Variants in KIFC3 observed in about 807,000 individuals in gnomAD.
The protein encoded by KIFC3 is kinesin-like protein KIFC3.
KIFC3 carries 60 observed loss-of-function variants against 101.8 expected under a neutral mutation model. That is an observed-to-expected ratio of 0.59 (90% confidence interval 0.48 to 0.73). The LOEUF (loss-of-function observed/expected upper bound fraction) is 0.73, where lower values mean the gene tolerates loss of function less well. Among genes scored for constraint, KIFC3 ranks in the 30% least tolerant of loss-of-function variants. The pLI is 0.00. For synonymous variants in KIFC3, 476 were observed against 482.7 expected (o/e 0.99, Z 0.18); for missense variants, 966 against 1,137.1 (o/e 0.85, Z 2.16).
Position 57,760,299 on chromosome 16 carries a change from T to G in KIFC3, c.2350A>C (p.Ser784Arg). 6.2e-7 allele frequency: 1 copy of G among 1,613,476 alleles called. No homozygotes were observed. Among genetic ancestry groups the G allele is most frequent in the South Asian group, 1.1e-5 (1 of 91,080 alleles). Residue 784 changes from serine to arginine, a missense_variant, in exon 17 of 20, where the codon AGC becomes CGC. Around this residue, in one of 2 missense-constraint regions of KIFC3, gnomAD observed 689 missense variants for 884.6 expected, o/e 0.78. Coordinates refer to ENST00000445690, the MANE Select transcript of KIFC3 (RefSeq NM_001130100.2). The stretch of plus-strand genomic sequence containing the variant: ...CCCCGTACCTCTAGATGCTCCTGGC[T>G]TGACCAGGACCCAAGCTCTGCCCTG... ...LRRAELGSWSSQEHLEWEPAC... is the reference protein window; with the variant it reads ...LRRAELGSWSRQEHLEWEPAC...
chr16:57,785,265 G>A (rs2053197000), intron 3 of KIFC3: 1 of 179,440 alleles, frequency 5.6e-6, no homozygotes, highest in Non-Finnish European at 1.2e-5. Context: ...TGAAAGAAAT[G>A]CTGCATCTCA....
intron 4 of KIFC3, among the ~76,000 whole-genome samples, 179 bp from the exon 5 acceptor site, chr16:57,771,865 G>A (rs1335312839): frequency 6.6e-6 from 1 of 152,220 alleles, no homozygotes; most frequent in Non-Finnish European, 1.5e-5. Context: ...ACAAGCTCAA[G>A]AGAGAAACCA....
Position 57,761,034 on chromosome 16 carries a change from A to T in KIFC3, c.2002+8T>A, listed in dbSNP as rs1159525661. On this transcript the variant is annotated splice_region_variant and intron_variant, in intron 15 of 19. Transcript: ENST00000445690. ...GGATCCTCAGGCCAGGCTGCCTGCC[A>T]CTCTCACCCGTGGTGCGGAGGCCTG... 1 of 1,605,668 alleles carries T rather than the reference A, an allele frequency of 6.2e-7. No individual in the cohort carries two copies. Among genetic ancestry groups the T allele is most frequent in the South Asian group, 1.1e-5 (1 of 90,904 alleles).
At chr16:57,859,084 C>T (rs571067627) in intron 1 of KIFC3, among the ~76,000 whole-genome samples, 1 of 152,228 alleles carries the variant, frequency 6.6e-6, no homozygotes, top group Admixed American at 6.5e-5. Context: ...AAAAGGCAAA[C>T]AGACACTTTT....
intron 1 of KIFC3, among the ~76,000 whole-genome samples, chr16:57,852,928 T>C (rs934822560): frequency 6.6e-6 from 1 of 151,800 alleles, no homozygotes; most frequent in Non-Finnish European, 1.5e-5. Flanking sequence ...AATTTCTTTT[T>C]TGTATAGAAG....
chr16:57,761,237 C>T, intron 14 of KIFC3, 66 bp from the exon 15 acceptor site: 1 of 1,600,396 alleles, frequency 6.2e-7, no homozygotes, highest in Non-Finnish European at 8.5e-7. Flanking sequence ...CACCTGGCCC[C>T]AAGCACCCAT....
At chr16:57,811,295 C>T (rs1421547345) in intron 1 of KIFC3, among the ~76,000 whole-genome samples, 5 of 152,148 alleles carry the variant, frequency 3.3e-5, no homozygotes, top group African/African-American at 9.7e-5. Flanking sequence ...GTGTACAACT[C>T]TGTAAATATA....
intron 1 of KIFC3, among the ~76,000 whole-genome samples, chr16:57,830,111 A>G (rs1343239253): frequency 6.6e-6 from 1 of 152,128 alleles, no homozygotes; most frequent in Admixed American, 6.5e-5. Flanking sequence ...GCCCAGGAGG[A>G]CAGAGAGCAC....
At chr16:57,847,515 A>C (rs1204377437) in intron 1 of KIFC3, among the ~76,000 whole-genome samples, 1 of 152,144 alleles carries the variant, frequency 6.6e-6, no homozygotes. Context: ...AACAACACAC[A>C]TTTGGTGTTA....
intron 1 of KIFC3, among the ~76,000 whole-genome samples, chr16:57,842,518 G>A (rs2055835531): frequency 1.3e-5 from 2 of 152,158 alleles, no homozygotes; most frequent in South Asian, 2.1e-4. Flanking sequence ...TATCAACAAT[G>A]AGAACAACAA....
At chr16:57,765,330 TG>T in intron 11 of KIFC3, 128 bp downstream of exon 11, 1 of 923,210 alleles carries the variant, frequency 1.1e-6, no homozygotes, top group Non-Finnish European at 1.6e-6. Context: ...AGCAGGACCC[TG>T]GCTCCCCACT....
chr16:57,772,120 G>T, intron 4 of KIFC3, 103 bp downstream of exon 4: 1 of 973,134 alleles, frequency 1.0e-6, no homozygotes. Flanking sequence ...GGTGGGATAT[G>T]CGGGCTCAGG....
chr16:57,798,378 CCGG>C, intron 1 of KIFC3, 96 bp from the exon 2 acceptor site: 1 of 1,135,582 alleles, frequency 8.8e-7, no homozygotes, highest in South Asian at 1.3e-5. Flanking sequence ...CTACGCCCCA[CCGG>C]TCGCTGGTTA....
At position 57,794,518 on chromosome 16, in the gene KIFC3, G is replaced by A. The variant is rs528873319; in HGVS notation, c.315+481C>T. ...TGAGATTACAGGCCTGAGCCACCGC[G>A]CCTAGCCTTACTTTGTCATTTTAAA... On this transcript the variant is annotated intron_variant, in intron 3 of 19. Transcript: ENST00000445690. Among the ~76,000 whole-genome samples, 5 of 152,180 alleles carry A rather than the reference G, an allele frequency of 3.3e-5. No individual in the cohort carries two copies. The South Asian group carries it at 8.3e-4, about 25-fold the overall frequency.
chr16:57,838,012 G>A (rs1307949022), intron 1 of KIFC3, among the ~76,000 whole-genome samples: 2 of 152,120 alleles, frequency 1.3e-5, no homozygotes, highest in African/African-American at 2.4e-5. Flanking sequence ...GCTGAACCAG[G>A]GTCAAGTAGC....
intron 1 of KIFC3, among the ~76,000 whole-genome samples, chr16:57,823,452 A>C (rs532715465): frequency 1.3e-5 from 2 of 152,284 alleles, no homozygotes; most frequent in African/African-American, 4.8e-5. Flanking sequence ...GCATGTCCTT[A>C]ACCTTGGCAA....
In KIFC3 at chr16:57,795,898, T is replaced by G. The variant is rs1434212932; in HGVS notation, c.173-757A>C. Reference sequence around the variant, plus strand: ...TGGGCTTTTTTGTTTTTTTTTTTTTTTTTTTTTTTTTTTGAGACAGGGCCT... The same window carrying G: ...TGGGCTTTTTTGTTTTTTTTTTTTTGTTTTTTTTTTTTTGAGACAGGGCCT... On this transcript the variant is annotated intron_variant, in intron 2 of 19. Transcript: ENST00000445690. Among the ~76,000 whole-genome samples, 33 of 144,902 alleles carry G rather than the reference T, an allele frequency of 2.3e-4. 2 individuals carry two copies. The highest frequency in any genetic ancestry group is 6.0e-4 in the African/African-American group (23 of 38,396).
chr16:57,792,865 C>CAAAAAA (rs35129462), intron 3 of KIFC3, among the ~76,000 whole-genome samples: 1 of 38,424 alleles, frequency 2.6e-5, no homozygotes, highest in Non-Finnish European at 5.0e-5. Flanking sequence ...AGACCTTGCT[C>CAAAAAA]AAAAAAAAAA....
At chr16:57,792,992 T>C (rs1397080872) in intron 3 of KIFC3, among the ~76,000 whole-genome samples, 2 of 146,068 alleles carry the variant, frequency 1.4e-5, no homozygotes, top group Non-Finnish European at 3.0e-5. Flanking sequence ...ATAATAAAAA[T>C]CATATAAATA....
Sources: allele counts gnomAD v4.1 joint callset (sites outside exome capture counted in the v4.1 genomes callset), GRCh38; gene constraint gnomAD v4.1.1; regional missense constraint gnomAD v4.1.1; transcripts MANE v1.5; gene names NCBI Gene and HGNC (gene_info 2026-07-23, HGNC 2026-07-21).